DLGAP2: variants seen among roughly 807,000 people sequenced by gnomAD.
The protein encoded by DLGAP2 is DLG associated protein 2.
A neutral mutation model predicts 100.3 loss-of-function variants in DLGAP2; 26 were observed. The observed-to-expected ratio is 0.26, with a 90% CI of 0.19 to 0.36. DLGAP2 has a LOEUF of 0.36. Ranked by LOEUF, DLGAP2 falls within the 10% of genes least tolerant of loss-of-function variation. The probability of loss-of-function intolerance (pLI) is 1.00; values close to 1 mark genes in which losing one functional copy is unlikely to be tolerated. For missense variants in DLGAP2, 1,858 were observed against 1,453.2 expected (o/e 1.28, Z -4.53); for synonymous variants, 886 against 630.1 (o/e 1.41, Z -6.08).
chr8:1,309,858 G>A (rs967422187), intron 3 of DLGAP2, among the ~76,000 whole-genome samples: 1 of 152,204 alleles, frequency 6.6e-6, no homozygotes, highest in African/African-American at 2.4e-5. Flanking sequence ...ACTTTGGGAG[G>A]CCAAGGCGGG....
chr8:1,289,808 C>T (rs558249965), intron 3 of DLGAP2, among the ~76,000 whole-genome samples: 1 of 152,266 alleles, frequency 6.6e-6, no homozygotes, highest in East Asian at 1.9e-4. Flanking sequence ...AGGAGGAGAA[C>T]CTGCTCATGA....
At chr8:1,616,913 T>A (rs1797173445) in intron 6 of DLGAP2, among the ~76,000 whole-genome samples, 1 of 152,168 alleles carries the variant, frequency 6.6e-6, no homozygotes. Context: ...GGCCCCAGTA[T>A]GTGTAGTTTT....
intron 7 of DLGAP2, among the ~76,000 whole-genome samples, chr8:1,627,762 C>G (rs1279962665): frequency 6.6e-6 from 1 of 151,932 alleles, no homozygotes; most frequent in African/African-American, 2.4e-5. Flanking sequence ...CACATTCTCT[C>G]TGACTTACTG....
intron 6 of DLGAP2, among the ~76,000 whole-genome samples, chr8:1,602,277 A>G (rs929996977): frequency 6.6e-6 from 1 of 152,224 alleles, no homozygotes; most frequent in East Asian, 1.9e-4. Flanking sequence ...ATGACATTCT[A>G]GTAGAAAGTG....
chr8:1,700,136 A>G (rs1393928019), intron 14 of DLGAP2, among the ~76,000 whole-genome samples: 2 of 152,226 alleles, frequency 1.3e-5, no homozygotes, highest in Non-Finnish European at 2.9e-5. Context: ...GCTTCTTGCC[A>G]CAGGCCTCCT....
intron 3 of DLGAP2, among the ~76,000 whole-genome samples, chr8:1,460,683 A>C (rs1798448527): frequency 6.6e-6 from 1 of 152,164 alleles, no homozygotes; most frequent in Non-Finnish European, 1.5e-5. Flanking sequence ...TGGGGGTAAC[A>C]TTTTCTCAAC....
intron 3 of DLGAP2, among the ~76,000 whole-genome samples, chr8:1,412,607 A>C (rs773494366): frequency 1.3e-5 from 2 of 152,166 alleles, no homozygotes; most frequent in Non-Finnish European, 2.9e-5. Flanking sequence ...TCTCTGCCTC[A>C]GTGTCCTCTT....
chr8:1,157,966 G>A (rs952761131), intron 2 of DLGAP2, among the ~76,000 whole-genome samples: 1 of 152,204 alleles, frequency 6.6e-6, no homozygotes, highest in Admixed American at 6.5e-5. Flanking sequence ...AGAGTATCAG[G>A]AGTTATACAA....
At chr8:1,499,552 A>G (rs1333230515) in intron 3 of DLGAP2, among the ~76,000 whole-genome samples, 1 of 152,218 alleles carries the variant, frequency 6.6e-6, no homozygotes, top group Non-Finnish European at 1.5e-5. Flanking sequence ...TTTATGTTAT[A>G]CTTAATGTGG....
chr8:774,523 G>A (rs1434710327), intron 1 of DLGAP2, among the ~76,000 whole-genome samples: 23 of 150,268 alleles, frequency 1.5e-4, no homozygotes, highest in Non-Finnish European at 2.7e-4. Context: ...ATTGATTTTT[G>A]TATAAGGTGT....
At chr8:744,616 G>A (rs1260796451) in intron 1 of DLGAP2, among the ~76,000 whole-genome samples, 3 of 150,206 alleles carry the variant, frequency 2.0e-5, no homozygotes, top group Admixed American at 6.6e-5. Context: ...CCTCTTCTCC[G>A]GCCACGTCGC....
intron 2 of DLGAP2, among the ~76,000 whole-genome samples, chr8:1,176,633 G>A (rs929512708): frequency 4.6e-4 from 70 of 152,236 alleles, no homozygotes; most frequent in African/African-American, 1.7e-3. Context: ...GGTTGACGGG[G>A]AAGAAGTTGG....
intron 3 of DLGAP2, among the ~76,000 whole-genome samples, chr8:1,333,248 G>T (rs1334202275): frequency 6.6e-6 from 1 of 152,150 alleles, no homozygotes; most frequent in African/African-American, 2.4e-5. Flanking sequence ...CTGGCCAGGG[G>T]AGCAGAGCCC....
chr8:1,549,143 C>G lies in DLGAP2; in HGVS notation c.690C>G (p.Arg230=), dbSNP rs1186648766. The change falls in exon 5 of 15, where the codon CGC becomes CGG. Residue 230 remains arginine, a synonymous_variant. Transcript: ENST00000637795. ...GCAGCGAGAGCCCCGGGCGGATCCG[C>G]CACCTGGTACACTCCGTGCAGAAGC... ...EQRSESPGRI[R]HLVHSVQKLF... 1 of 1,593,134 alleles carries G rather than the reference C, an allele frequency of 6.3e-7. No homozygotes were observed. Among genetic ancestry groups the G allele is most frequent in the Non-Finnish European group, 8.5e-7 (1 of 1,171,432 alleles).
chr8:1,667,697 C>A (rs868825916), intron 8 of DLGAP2, among the ~76,000 whole-genome samples: 1 of 152,226 alleles, frequency 6.6e-6, no homozygotes, highest in Non-Finnish European at 1.5e-5. Context: ...CACAGGTTTC[C>A]TGTACAAATA....
chr8:779,973 C>T (rs186148654), intron 1 of DLGAP2, among the ~76,000 whole-genome samples: 30 of 152,182 alleles, frequency 2.0e-4, no homozygotes, highest in Admixed American at 1.0e-3. Flanking sequence ...ACTGACATAC[C>T]TGTCACCTCA....
chr8:1,706,030 C>G lies in DLGAP2; in HGVS notation c.*4624C>G, dbSNP rs1352151091. 1 of 152,256 alleles carries G rather than the reference C, an allele frequency of 6.6e-6. No homozygotes were observed. Among genetic ancestry groups the G allele is most frequent in the Non-Finnish European group, 1.5e-5 (1 of 68,076 alleles). The allele number at this position is 152,256 out of a possible 1,614,324, so 9.4% of individuals were successfully genotyped here. ...GGTCAGCTCAGAGCCCATGGCTTCC[C>G]TGCAGGAGCCCCATCTTGTCGCTAT... is the stretch of plus-strand genomic sequence containing the variant. On this transcript the variant is annotated 3_prime_UTR_variant, in exon 15 of 15. Transcript: ENST00000637795.
intron 2 of DLGAP2, among the ~76,000 whole-genome samples, chr8:942,180 C>G (rs957256915): frequency 6.6e-6 from 1 of 152,184 alleles, no homozygotes; most frequent in African/African-American, 2.4e-5. Context: ...AAATCCTGGG[C>G]TTAAGTGATC....
intron 2 of DLGAP2, among the ~76,000 whole-genome samples, chr8:1,142,586 C>T (rs557838948): frequency 6.6e-6 from 1 of 152,176 alleles, no homozygotes; most frequent in Non-Finnish European, 1.5e-5. Context: ...GGGCAGGTCT[C>T]AATTCATGCT....
Sources: gnomAD v4.1 joint callset for allele counts (sites outside exome capture counted in the v4.1 genomes callset) on GRCh38, gnomAD v4.1.1 for gene constraint, MANE v1.5 for transcripts, NCBI Gene and HGNC (gene_info 2026-07-23, HGNC 2026-07-21) for gene names.